LEPR: variants seen among roughly 807,000 people sequenced by gnomAD.
LEPR encodes leptin receptor.
Under a neutral mutation model 114.7 loss-of-function variants are expected in LEPR, and 56 were observed. That is an observed-to-expected ratio of 0.49 (90% CI 0.39 to 0.61). LEPR has a LOEUF of 0.61. LEPR is among the 20% of genes least tolerant of loss of function. LEPR has a pLI of 0.00. For missense variants in LEPR, 1,202 were observed against 1,352.9 expected (o/e 0.89, Z 1.75); for synonymous variants, 443 against 461.4 (o/e 0.96, Z 0.51).
At chr1:65,583,904 A>G (rs1375062676) in intron 5 of LEPR, among the ~76,000 whole-genome samples, 1 of 152,178 alleles carries the variant, frequency 6.6e-6, no homozygotes, top group Non-Finnish European at 1.5e-5. Context: ...GAAATTGAAG[A>G]TGTAAAAAAG....
chr1:65,426,279 A>G (rs1292396381), intron 2 of LEPR, among the ~76,000 whole-genome samples: 1 of 152,202 alleles, frequency 6.6e-6, no homozygotes, highest in East Asian at 1.9e-4. Flanking sequence ...CACATGGTAC[A>G]TTATGGTACA....
intron 2 of LEPR, among the ~76,000 whole-genome samples, chr1:65,445,637 G>GTTTTT (rs564650668): frequency 3.0e-4 from 44 of 146,438 alleles, no homozygotes; most frequent in African/African-American, 9.0e-4. Context: ...ACTGAATAGA[G>GTTTTT]TTTTTTTTTT....
intron 2 of LEPR, among the ~76,000 whole-genome samples, chr1:65,547,748 C>CA (rs1416478518): frequency 7.3e-6 from 1 of 137,686 alleles, no homozygotes; most frequent in East Asian, 1.9e-4. Flanking sequence ...TTGATCCTTT[C>CA]AAAAAACCAG....
rs1371267192 is a variant in LEPR, at chr1:65,601,441, T to G, written c.1044T>G (p.Val348=). ...PKILTSVGSN[V]SFHCIYKKEN... is the part of the protein sequence containing the mutation. ...TTCTGACAAGTGTTGGGTCTAATGT[T>G]TCTTTTCACTGCATCTATAAGAAGG... The change falls in exon 9 of 20, where the codon GTT becomes GTG. Residue 348 remains valine, a synonymous_variant. Coordinates refer to ENST00000349533, the MANE Select transcript of LEPR (RefSeq NM_002303.6). 2.5e-6 allele frequency: 4 copies of G among 1,613,606 alleles called. No individual in the cohort carries two copies. In the South Asian group the frequency reaches 4.4e-5, roughly 18 times the overall value.
intron 14 of LEPR, among the ~76,000 whole-genome samples, chr1:65,610,676 G>T (rs1028371364): frequency 6.6e-6 from 1 of 152,096 alleles, no homozygotes; most frequent in East Asian, 1.9e-4. Flanking sequence ...CACCTTCCCC[G>T]CACACCCCAA....
rs772192449 is a variant in LEPR at position 65,618,015 on chromosome 1, T to C, written c.2264T>C (p.Ile755Thr). 5.0e-6 allele frequency: 8 copies of C among 1,613,158 alleles called. No individual in the cohort carries two copies. The South Asian group carries it at 7.7e-5, about 16-fold the overall frequency. ...TATCCTTTAAACAGCAGTTGTGTGA[T>C]TGTTTCCTGGATACTATCACCCAGT... Reference protein sequence around the residue: ...SAYPLNSSCVIVSWILSPSDY... With the variant: ...SAYPLNSSCVTVSWILSPSDY... The change falls in exon 16 of 20, where the codon ATT becomes ACT. Residue 755 changes from isoleucine to threonine, a missense_variant. Coordinates refer to ENST00000349533, the MANE Select transcript of LEPR (RefSeq NM_002303.6).
intron 2 of LEPR, among the ~76,000 whole-genome samples, chr1:65,527,617 T>G (rs1304147727): frequency 6.6e-6 from 1 of 152,224 alleles, no homozygotes; most frequent in Non-Finnish European, 1.5e-5. Flanking sequence ...TGGCTTGGAT[T>G]CAAAATAATA....
At chr1:65,496,794 A>G (rs1418930425) in intron 2 of LEPR, among the ~76,000 whole-genome samples, 1 of 152,132 alleles carries the variant, frequency 6.6e-6, no homozygotes, top group South Asian at 2.1e-4. Flanking sequence ...CCATTGCCAG[A>G]TAACTCTAGA....
At chr1:65,521,719 A>T (rs1459196742) in intron 2 of LEPR, among the ~76,000 whole-genome samples, 2 of 152,234 alleles carry the variant, frequency 1.3e-5, no homozygotes, top group Non-Finnish European at 2.9e-5. Context: ...TACAAGTTGT[A>T]AATTGTTTTT....
intron 2 of LEPR, among the ~76,000 whole-genome samples, chr1:65,547,305 G>A (rs376255673): frequency 6.6e-6 from 1 of 152,160 alleles, no homozygotes; most frequent in Non-Finnish European, 1.5e-5. Context: ...TTGGTATCAG[G>A]ATGATGCTGG....
chr1:65,616,356 T>C (rs2100992949), intron 15 of LEPR, 132 bp downstream of exon 15: 1 of 965,346 alleles, frequency 1.0e-6, no homozygotes, highest in South Asian at 1.5e-5. Context: ...CACCTTTCAT[T>C]TCCTTTGTCT....
rs925448655 is a variant in LEPR at position 65,504,084 on chromosome 1, G to C, written c.-20-61462G>C. Reference sequence around the variant, plus strand: ...ATGTAAGCAGTTCCTAATGGCCTACGCTGGGACGATTTGAGCAATAAGATA... The same window carrying C: ...ATGTAAGCAGTTCCTAATGGCCTACCCTGGGACGATTTGAGCAATAAGATA... On this transcript the variant is annotated intron_variant, in intron 2 of 19. Transcript: ENST00000349533. Among the ~76,000 whole-genome samples, 19 of 152,102 alleles carry C rather than the reference G, an allele frequency of 1.2e-4. 1 individual carries two copies. Among genetic ancestry groups the C allele is most frequent in the Non-Finnish European group, 2.9e-5 (2 of 68,024 alleles).
intron 3 of LEPR, among the ~76,000 whole-genome samples, chr1:65,569,571 G>A (rs1205380630): frequency 6.6e-6 from 1 of 151,898 alleles, no homozygotes; most frequent in Non-Finnish European, 1.5e-5. Flanking sequence ...ACCGGGTGTG[G>A]TGGGAGGTGC....
intron 8 of LEPR, among the ~76,000 whole-genome samples, 179 bp from the exon 9 acceptor site, chr1:65,601,213 C>T (rs1295893517): frequency 1.3e-5 from 2 of 151,872 alleles, no homozygotes; most frequent in Non-Finnish European, 2.9e-5. Context: ...TGAGAGCACT[C>T]GGGACACTAG....
chr1:65,570,362 A>T, intron 3 of LEPR, 111 bp from the exon 4 acceptor site: 2 of 1,056,190 alleles, frequency 1.9e-6, no homozygotes, highest in African/African-American at 1.6e-5. Context: ...CTGAGGACTT[A>T]GAAAGTTAAA....
intron 5 of LEPR, among the ~76,000 whole-genome samples, chr1:65,582,528 G>A (rs531471764): frequency 2.5e-4 from 38 of 152,260 alleles, no homozygotes; most frequent in African/African-American, 8.9e-4. Context: ...CTGAGAGTGA[G>A]CCAGAGAGAC....
intron 2 of LEPR, among the ~76,000 whole-genome samples, chr1:65,522,706 A>G (rs567112165): frequency 5.4e-4 from 83 of 152,306 alleles, no homozygotes; most frequent in African/African-American, 1.9e-3. Flanking sequence ...AAGTAACTAT[A>G]ATTTCAGTCA....
intron 2 of LEPR, chr1:65,493,722 AC>A: frequency 6.6e-6 from 1 of 152,090 alleles, no homozygotes; most frequent in South Asian, 2.1e-4. Flanking sequence ...TGTATATCGG[AC>A]CAAAATTTTC....
intron 2 of LEPR, among the ~76,000 whole-genome samples, chr1:65,547,880 G>A (rs1465434095): frequency 1.5e-4 from 20 of 132,840 alleles, no homozygotes; most frequent in Non-Finnish European, 3.1e-4. Context: ...TGCTTTTCTA[G>A]TTCTTTTAAT....
Sources: gnomAD v4.1 joint callset for allele counts (sites outside exome capture counted in the v4.1 genomes callset) on GRCh38, gnomAD v4.1.1 for gene constraint, MANE v1.5 for transcripts, NCBI Gene and HGNC (gene_info 2026-07-23, HGNC 2026-07-21) for gene names.